The following NR6A1 variants were observed in gnomAD, a reference collection of about 807,000 sequenced individuals.
The protein encoded by NR6A1 is nuclear receptor subfamily 6 group A member 1.
In NR6A1, 7 loss-of-function variants were observed where a neutral mutation model predicts 59.1. The ratio of observed to expected loss-of-function variants is 0.12; its 90% CI spans 0.07 to 0.22. The LOEUF is 0.22. NR6A1 is among the 10% of genes least tolerant of loss of function. The pLI, the probability that NR6A1 is intolerant of heterozygous loss-of-function variation, is 1.00. For missense variants in NR6A1, 468 were observed against 611.6 expected (o/e 0.77, Z 2.48); for synonymous variants, 243 against 236.1 (o/e 1.03, Z -0.27).
At chr9:124,747,339 C>T (rs1840364849) in intron 1 of NR6A1, among the ~76,000 whole-genome samples, 1 of 152,066 alleles carries the variant, frequency 6.6e-6, no homozygotes, top group South Asian at 2.1e-4. Context: ...GGACTACAAT[C>T]ATGTGCCACC....
At chr9:124,678,044 A>T (rs1225615988) in intron 2 of NR6A1, among the ~76,000 whole-genome samples, 1 of 152,234 alleles carries the variant, frequency 6.6e-6, no homozygotes. Flanking sequence ...TCTTGAAAAA[A>T]GCCTGTAATG....
chr9:124,673,575 T>C (rs1837858677), intron 2 of NR6A1, among the ~76,000 whole-genome samples: 1 of 152,056 alleles, frequency 6.6e-6, no homozygotes, highest in South Asian at 2.1e-4. Context: ...CATAGATGCT[T>C]AAAAATGCCC....
intron 1 of NR6A1, 77 bp downstream of exon 1, chr9:124,770,943 G>A: frequency 3.5e-6 from 3 of 846,868 alleles, no homozygotes; most frequent in Non-Finnish European, 4.7e-6. Context: ...AGGGTCGGCA[G>A]AGAGGAGGGG....
chr9:124,762,420 C>T (rs190652901), intron 1 of NR6A1, among the ~76,000 whole-genome samples: 1 of 152,278 alleles, frequency 6.6e-6, no homozygotes, highest in Admixed American at 6.5e-5. Context: ...TTAATCCTAG[C>T]AGCTAGATCT....
At chr9:124,719,979 T>G (rs1300460678) in intron 2 of NR6A1, among the ~76,000 whole-genome samples, 1 of 151,130 alleles carries the variant, frequency 6.6e-6, no homozygotes, top group Non-Finnish European at 1.5e-5. Flanking sequence ...TATAAAAATC[T>G]GAGCTCAATG....
intron 2 of NR6A1, among the ~76,000 whole-genome samples, chr9:124,589,085 G>A (rs1178685783): frequency 4.6e-5 from 7 of 152,246 alleles, no homozygotes; most frequent in African/African-American, 1.7e-4. Flanking sequence ...GCTCCCAGTC[G>A]AATAAAAGAG....
At chr9:124,682,619 G>T (rs1489174714) in intron 2 of NR6A1, among the ~76,000 whole-genome samples, 5 of 151,812 alleles carry the variant, frequency 3.3e-5, no homozygotes, top group African/African-American at 7.3e-5. Context: ...ATATATAATG[G>T]TTTATCATTT....
At chr9:124,734,636 T>A (rs751564982) in intron 1 of NR6A1, among the ~76,000 whole-genome samples, 21 of 151,482 alleles carry the variant, frequency 1.4e-4, no homozygotes, top group Non-Finnish European at 2.5e-4. Context: ...GAGGTTGCAG[T>A]GAGCCGAGAT....
chr9:124,667,279 C>T (rs1005389439), intron 2 of NR6A1, among the ~76,000 whole-genome samples: 1 of 151,980 alleles, frequency 6.6e-6, no homozygotes, highest in Non-Finnish European at 1.5e-5. Context: ...GATCCACCCA[C>T]CCCAGCGTCC....
chr9:124,603,433 G>A (rs1169451315), intron 2 of NR6A1, among the ~76,000 whole-genome samples: 1 of 152,010 alleles, frequency 6.6e-6, no homozygotes, highest in Non-Finnish European at 1.5e-5. Flanking sequence ...CTACTTCAGA[G>A]TCTCCCATGT....
chr9:124,661,607 G>A lies in NR6A1; in HGVS notation c.142+71701C>T, dbSNP rs1187189559. ...ATTTGGTCCCATGATAATACGGTGT[G>A]AAGCTGAACACGTGCCAGATTTAAT... On this transcript the variant is annotated intron_variant, in intron 2 of 9. Coordinates refer to ENST00000487099, the MANE Select transcript of NR6A1 (RefSeq NM_033334.4). 2.6e-5 allele frequency among the ~76,000 whole-genome samples: 4 copies of A among 152,216 alleles called. No individual in the cohort carries two copies. The East Asian group carries it at 7.7e-4, about 29-fold the overall frequency.
chr9:124,767,624 G>A (rs1472487658), intron 1 of NR6A1, among the ~76,000 whole-genome samples: 1 of 151,724 alleles, frequency 6.6e-6, no homozygotes, highest in East Asian at 1.9e-4. Context: ...AAAATTCTGG[G>A]GCAACTCAGA....
chr9:124,656,805 T>C (rs745414387), intron 2 of NR6A1, among the ~76,000 whole-genome samples: 2 of 152,036 alleles, frequency 1.3e-5, no homozygotes, highest in Non-Finnish European at 2.9e-5. Flanking sequence ...GCATCCCAGC[T>C]TGGGCAACAA....
intron 2 of NR6A1, among the ~76,000 whole-genome samples, chr9:124,604,909 A>G (rs1250679061): frequency 6.6e-6 from 1 of 152,232 alleles, no homozygotes; most frequent in Non-Finnish European, 1.5e-5. Context: ...AGGGTAATAA[A>G]CAGCTATGGA....
intron 2 of NR6A1, among the ~76,000 whole-genome samples, chr9:124,612,549 G>C (rs1407252327): frequency 1.3e-5 from 2 of 152,100 alleles, no homozygotes; most frequent in Non-Finnish European, 1.5e-5. Context: ...CATAAGCAGG[G>C]GGAGCTCACA....
At chr9:124,667,612 A>G (rs1203337640) in intron 2 of NR6A1, among the ~76,000 whole-genome samples, 1 of 152,186 alleles carries the variant, frequency 6.6e-6, no homozygotes, top group East Asian at 1.9e-4. Flanking sequence ...AAATTTAATC[A>G]GAAATTGTAT....
At position 124,576,632 on chromosome 9, in the gene NR6A1, G is replaced by A. The variant is rs575944007; in HGVS notation, c.143-22062C>T. Among the ~76,000 whole-genome samples the A allele has an allele frequency of 1.0e-3, 159 of 152,268 alleles. 2 individuals carry two copies. The South Asian group carries it at 0.022, about 21-fold the overall frequency. On this transcript the variant is annotated intron_variant, in intron 2 of 9. Transcript: ENST00000487099. ...CCCAGTTAGTCATTATTTTAGCTGT[G>A]TGACTTAATGTCTCCGAGCTTTGGT...
At position 124,591,649 on chromosome 9, in the gene NR6A1, A is replaced by G. The variant is rs542801801; in HGVS notation, c.143-37079T>C. On this transcript the variant is annotated intron_variant, in intron 2 of 9. Transcript: ENST00000487099. ...CCAGCCGGTTGACTCCTGACCTTCC[A>G]TGCTTCTCATCCTAATTAATGCAAG... 3.7e-4 allele frequency among the ~76,000 whole-genome samples: 57 copies of G among 152,326 alleles called. 2 individuals carry two copies. In the South Asian group the frequency reaches 0.012, roughly 31 times the overall value.
At chr9:124,532,572 C>T (rs776723355) in intron 7 of NR6A1, among the ~76,000 whole-genome samples, 1 of 152,192 alleles carries the variant, frequency 6.6e-6, no homozygotes, top group Non-Finnish European at 1.5e-5. Context: ...ACACATGATA[C>T]TCAGTAAATG....
Sources: gnomAD v4.1 joint callset for allele counts (sites outside exome capture counted in the v4.1 genomes callset) on GRCh38, gnomAD v4.1.1 for gene constraint, MANE v1.5 for transcripts, NCBI Gene and HGNC (gene_info 2026-07-23, HGNC 2026-07-21) for gene names.